The following DYSF variants were observed in gnomAD, a reference collection of about 807,000 sequenced individuals.
DYSF encodes dystrophy-associated fer-1-like 1.
DYSF carries 212 observed loss-of-function variants against 274.9 expected under a neutral mutation model. That is an observed-to-expected ratio of 0.77 (90% confidence interval 0.69 to 0.86). The LOEUF (loss-of-function observed/expected upper bound fraction) is 0.86. Among genes scored for constraint, DYSF ranks in the 40% least tolerant of loss-of-function variants. DYSF has a pLI of 0.00. For synonymous variants in DYSF, 1,091 were observed against 1,078.7 expected, an observed-to-expected ratio of 1.01 and a Z score of -0.22; for missense variants, 2,666 against 2,783.2, an observed-to-expected ratio of 0.96 and a Z score of 0.95.
At chr2:71,458,826 C>CT (rs2081171398) in intron 1 of DYSF, among the ~76,000 whole-genome samples, 1 of 152,186 alleles carries the variant, frequency 6.6e-6, no homozygotes, top group African/African-American at 2.4e-5. Flanking sequence ...TGTCCTCATT[C>CT]TTTTGATTGC....
chr2:71,503,105 T>A, intron 3 of DYSF, 109 bp from the exon 4 acceptor site: 2 of 958,504 alleles, frequency 2.1e-6, no homozygotes, highest in Non-Finnish European at 3.4e-6. Context: ...TGGGTGACTG[T>A]GTGGTCTAGG....
Position 71,555,316 on chromosome 2 carries a change from C to G in DYSF, c.2110-649C>G, listed in dbSNP as rs376524218. On this transcript the variant is annotated intron_variant, in intron 21 of 55. Coordinates refer to ENST00000410020, the MANE Select transcript of DYSF (RefSeq NM_001130987.2). Reference sequence around the variant, plus strand: ...AGATTGGTAGTCCAAGTCCTGAGCACGTGTCCTTGCTCAGGAAGGCTGCTG... The same window carrying G: ...AGATTGGTAGTCCAAGTCCTGAGCAGGTGTCCTTGCTCAGGAAGGCTGCTG... Among the ~76,000 whole-genome samples, 4 of 151,984 alleles carry G rather than the reference C, an allele frequency of 2.6e-5. No homozygotes were observed. In the South Asian group the frequency reaches 8.3e-4, roughly 32 times the overall value.
At position 71,674,218 on chromosome 2, in the gene DYSF, A is replaced by G; in HGVS notation, c.5806A>G (p.Lys1936Glu). 6.2e-7 allele frequency: 1 copy of G among 1,614,188 alleles called. No homozygotes were observed. The highest frequency in any genetic ancestry group is 8.5e-7 in the Non-Finnish European group (1 of 1,180,028). ...TCAGGATGCCTTCTGGAGGCTGGACAAGACTGAGAGCAAAATCCCAGCACG... is the reference window on the plus strand; with the variant it reads ...TCAGGATGCCTTCTGGAGGCTGGACGAGACTGAGAGCAAAATCCCAGCACG... ...AKKDAFWRLD[K>E]TESKIPARVV... is the part of the protein sequence containing the mutation. The change falls in exon 52 of 56, where the codon AAG becomes GAG. Residue 1936 changes from lysine (K) to glutamate (E), a missense_variant. Lys to Glu is a moderately conservative substitution (Grantham distance 56). Around this residue, in one of 3 missense-constraint regions of DYSF, gnomAD observed 1,460 missense variants for 1,502.1 expected, o/e 0.97. Transcript: ENST00000410020.
intron 3 of DYSF, among the ~76,000 whole-genome samples, chr2:71,490,626 C>G (rs536792577): frequency 6.6e-6 from 1 of 152,336 alleles, no homozygotes; most frequent in East Asian, 1.9e-4. Context: ...TGCGCCCGGC[C>G]TGGTGCATAT....
intron 43 of DYSF, among the ~76,000 whole-genome samples, chr2:71,656,907 C>A (rs2094785178): frequency 1.3e-5 from 2 of 152,132 alleles, no homozygotes; most frequent in Admixed American, 1.3e-4. Context: ...GCAGCCAAAC[C>A]ATATCATTCT....
intron 43 of DYSF, among the ~76,000 whole-genome samples, chr2:71,657,163 C>T (rs1238637678): frequency 1.3e-5 from 2 of 152,106 alleles, no homozygotes; most frequent in Non-Finnish European, 2.9e-5. Flanking sequence ...GAGAAATTGG[C>T]CAAAACCAAA....
chr2:71,462,655 C>G (rs1338075747), upstream of DYSF, among the ~76,000 whole-genome samples: 2 of 152,192 alleles, frequency 1.3e-5, no homozygotes, highest in Non-Finnish European at 2.9e-5. Flanking sequence ...GACAGAACAG[C>G]TCTCAGGAAA....
At chr2:71,683,165 A>G (rs2095315972) in intron 55 of DYSF, among the ~76,000 whole-genome samples, 3 of 152,284 alleles carry the variant, frequency 2.0e-5, no homozygotes, top group African/African-American at 7.2e-5. Flanking sequence ...GAGGCACTCA[A>G]TAGAGTGTGT....
chr2:71,650,450 C>T (rs927561724), intron 42 of DYSF, among the ~76,000 whole-genome samples: 2 of 152,084 alleles, frequency 1.3e-5, no homozygotes, highest in African/African-American at 2.4e-5. Flanking sequence ...CACTGCACTC[C>T]AGCCTGGGTG....
At chr2:71,658,711 G>A (rs967728411) in intron 43 of DYSF, among the ~76,000 whole-genome samples, 167 bp from the exon 44 acceptor site, 1 of 152,180 alleles carries the variant, frequency 6.6e-6, no homozygotes, top group Non-Finnish European at 1.5e-5. Context: ...CACGAGAATA[G>A]CATGGGAAAG....
At chr2:71,666,787 T>G (rs1285051828) in intron 47 of DYSF, among the ~76,000 whole-genome samples, 3 of 152,262 alleles carry the variant, frequency 2.0e-5, no homozygotes, top group African/African-American at 7.2e-5. Context: ...GTGGCTTCTC[T>G]GTGCCTCAGA....
intron 32 of DYSF, 150 bp from the exon 33 acceptor site, chr2:71,598,414 A>G (rs2093458023): frequency 1.0e-6 from 1 of 964,410 alleles, no homozygotes; most frequent in Admixed American, 2.0e-5. Flanking sequence ...AGAGCCCCAT[A>G]GGGAAGATGC....
At chr2:71,526,991 C>A (rs2087998993) in intron 13 of DYSF, among the ~76,000 whole-genome samples, 1 of 152,214 alleles carries the variant, frequency 6.6e-6, no homozygotes, top group Non-Finnish European at 1.5e-5. Flanking sequence ...CAGTGGTTGG[C>A]CCGATACTAG....
At chr2:71,484,409 T>G (rs1455820100) in intron 3 of DYSF, among the ~76,000 whole-genome samples, 2 of 152,136 alleles carry the variant, frequency 1.3e-5, no homozygotes, top group Admixed American at 1.3e-4. Context: ...GTTGTATATA[T>G]CTATGGGGTG....
At chr2:71,641,541 C>T (rs2094486765) in intron 41 of DYSF, among the ~76,000 whole-genome samples, 1 of 152,100 alleles carries the variant, frequency 6.6e-6, no homozygotes, top group Admixed American at 6.5e-5. Flanking sequence ...ATATTCATTT[C>T]TATTTACAAT....
At chr2:71,532,132 T>C (rs1410954087) in intron 14 of DYSF, among the ~76,000 whole-genome samples, 1 of 152,238 alleles carries the variant, frequency 6.6e-6, no homozygotes, top group East Asian at 1.9e-4. Context: ...ATGATTTTTT[T>C]TGATGGCTGC....
chr2:71,478,496 C>T (rs900616012), intron 1 of DYSF, among the ~76,000 whole-genome samples: 7 of 152,270 alleles, frequency 4.6e-5, no homozygotes, highest in African/African-American at 1.4e-4. Context: ...CAGGTGTGAG[C>T]CACCGCGCCC....
intron 17 of DYSF, among the ~76,000 whole-genome samples, chr2:71,548,080 G>A (rs539027727): frequency 6.6e-6 from 1 of 152,336 alleles, no homozygotes; most frequent in East Asian, 1.9e-4. Flanking sequence ...CTCGCCCACA[G>A]AAGGAAACCT....
intron 41 of DYSF, among the ~76,000 whole-genome samples, chr2:71,630,096 C>T (rs916346652): frequency 1.3e-5 from 2 of 151,662 alleles, no homozygotes; most frequent in Admixed American, 1.3e-4. Context: ...TTTATCCTTA[C>T]AGAGGGAAGT....
Sources: gnomAD v4.1 joint callset for allele counts (sites outside exome capture counted in the v4.1 genomes callset) on GRCh38, gnomAD v4.1.1 for gene constraint, gnomAD v4.1.1 regional missense constraint, MANE v1.5 for transcripts, NCBI Gene and HGNC (gene_info 2026-07-23, HGNC 2026-07-21) for gene names.